PTPRD: variants seen among roughly 807,000 people sequenced by gnomAD.
PTPRD encodes protein tyrosine phosphatase receptor type D, also known as receptor-type tyrosine-protein phosphatase delta.
In PTPRD, 34 loss-of-function variants were observed where a neutral mutation model predicts 214.5. That is an observed-to-expected ratio of 0.16 (90% CI 0.12 to 0.21). The LOEUF (loss-of-function observed/expected upper bound fraction) is 0.21. Ranked by LOEUF, PTPRD falls within the 10% of genes least tolerant of loss-of-function variation. The probability of loss-of-function intolerance (pLI) is 1.00; values close to 1 mark genes in which losing one functional copy is unlikely to be tolerated. For synonymous variants in PTPRD, 1,128 were observed against 845.7 expected (o/e 1.33, Z -5.79); for missense variants, 2,545 against 2,398.7 (o/e 1.06, Z -1.27).
At chr9:10,171,248 A>T (rs571307061) in intron 3 of PTPRD, among the ~76,000 whole-genome samples, 2 of 152,204 alleles carry the variant, frequency 1.3e-5, no homozygotes, top group South Asian at 2.1e-4. Context: ...CCTGAGTTGT[A>T]GCTCTCATAA....
chr9:9,898,787 C>A (rs1407791821), intron 5 of PTPRD, among the ~76,000 whole-genome samples: 1 of 152,038 alleles, frequency 6.6e-6, no homozygotes, highest in Admixed American at 6.6e-5. Flanking sequence ...GGTCCTCTGA[C>A]CTCCTTTATT....
intron 17 of PTPRD, among the ~76,000 whole-genome samples, chr9:8,525,889 A>C (rs1016791831): frequency 1.3e-5 from 2 of 152,152 alleles, no homozygotes; most frequent in African/African-American, 4.8e-5. Context: ...AAAACCAGCA[A>C]TACCACATAC....
At chr9:9,128,041 A>G (rs1237017522) in intron 10 of PTPRD, among the ~76,000 whole-genome samples, 1 of 152,126 alleles carries the variant, frequency 6.6e-6, no homozygotes, top group African/African-American at 2.4e-5. Context: ...TCATAAACTT[A>G]CCAATACTGT....
chr9:8,990,080 G>C (rs893908811), intron 11 of PTPRD, among the ~76,000 whole-genome samples: 2 of 152,130 alleles, frequency 1.3e-5, no homozygotes, highest in Non-Finnish European at 2.9e-5. Flanking sequence ...CCCATTATTT[G>C]TGAAGAAGGT....
intron 2 of PTPRD, among the ~76,000 whole-genome samples, chr9:10,427,620 C>A (rs955454801): frequency 6.6e-6 from 1 of 152,046 alleles, no homozygotes; most frequent in African/African-American, 2.4e-5. Flanking sequence ...AAAACACTCA[C>A]TAAAAAGGGG....
chr9:10,076,730 A>G (rs529260923), intron 3 of PTPRD, among the ~76,000 whole-genome samples: 2 of 152,286 alleles, frequency 1.3e-5, no homozygotes, highest in Admixed American at 6.5e-5. Context: ...CAGTGCCAAG[A>G]TGGCAGTAAG....
chr9:9,682,607 G>A (rs1305912853), intron 7 of PTPRD, among the ~76,000 whole-genome samples: 1 of 151,750 alleles, frequency 6.6e-6, no homozygotes, highest in African/African-American at 2.4e-5. Context: ...CAGCTTGGGA[G>A]CTAAGCCTTG....
chr9:9,219,267 G>A (rs2099954288), intron 9 of PTPRD, among the ~76,000 whole-genome samples: 2 of 152,052 alleles, frequency 1.3e-5, no homozygotes, highest in Non-Finnish European at 2.9e-5. Flanking sequence ...GTCTCTAGAT[G>A]TACAGCTTGA....
intron 35 of PTPRD, among the ~76,000 whole-genome samples, chr9:8,407,863 G>T (rs1052300647): frequency 4.6e-5 from 7 of 152,128 alleles, no homozygotes; most frequent in African/African-American, 7.2e-5. Context: ...CACAACACGG[G>T]TCATTATTTT....
intron 14 of PTPRD, among the ~76,000 whole-genome samples, chr9:8,555,392 G>C (rs1045342823): frequency 6.6e-6 from 1 of 152,178 alleles, no homozygotes; most frequent in Admixed American, 6.5e-5. Context: ...GGGCAACAGA[G>C]AAAAAACCAA....
At chr9:10,482,188 A>C (rs2224583) in intron 2 of PTPRD, among the ~76,000 whole-genome samples, 4 of 151,546 alleles carry the variant, frequency 2.6e-5, no homozygotes, top group Non-Finnish European at 5.9e-5. Flanking sequence ...CGGCTAACAC[A>C]GTGAAACCCC....
chr9:9,285,441 T>A (rs1484368271), intron 9 of PTPRD, among the ~76,000 whole-genome samples: 3 of 151,774 alleles, frequency 2.0e-5, no homozygotes, highest in Middle Eastern at 3.2e-3. Context: ...TATTTCTTCT[T>A]TTCTTCATTG....
At chr9:8,508,866 T>C (rs2097596518) in intron 21 of PTPRD, among the ~76,000 whole-genome samples, 1 of 131,344 alleles carries the variant, frequency 7.6e-6, no homozygotes, top group Admixed American at 7.7e-5. Flanking sequence ...AGTCAGCCTG[T>C]GTATATATAT....
chr9:8,528,385 A>G, intron 15 of PTPRD: 1 of 630,182 alleles, frequency 1.6e-6, no homozygotes. Context: ...GAAGCTGCAA[A>G]ACACACAGAG....
At chr9:8,563,300 T>C (rs13300787) in intron 14 of PTPRD, among the ~76,000 whole-genome samples, 29,533 of 152,118 alleles carry the variant, frequency 0.19, 3,163 homozygotes, top group South Asian at 0.32. Flanking sequence ...TCTATGCATA[T>C]GTCAAAACTA....
intron 35 of PTPRD, among the ~76,000 whole-genome samples, chr9:8,418,733 T>C (rs2094137135): frequency 6.6e-6 from 1 of 152,070 alleles, no homozygotes; most frequent in South Asian, 2.1e-4. Context: ...GTTCTATCAA[T>C]GCTGATAGCT....
At chr9:8,332,808 G>A (rs1045443863) in intron 43 of PTPRD, among the ~76,000 whole-genome samples, 1 of 152,068 alleles carries the variant, frequency 6.6e-6, no homozygotes, top group Non-Finnish European at 1.5e-5. Context: ...TAGAGAGACC[G>A]ATCTCATTTC....
chr9:8,813,258 G>A (rs2096851147), intron 11 of PTPRD, among the ~76,000 whole-genome samples: 1 of 151,726 alleles, frequency 6.6e-6, no homozygotes, highest in Non-Finnish European at 1.5e-5. Context: ...AAGCATTGAG[G>A]AAGGGCGGGG....
intron 35 of PTPRD, among the ~76,000 whole-genome samples, chr9:8,422,349 A>G (rs527270065): frequency 1.3e-5 from 2 of 152,256 alleles, no homozygotes; most frequent in African/African-American, 2.4e-5. Flanking sequence ...ACATAGAAAA[A>G]CAAACATCCT....
Sources: gnomAD v4.1 joint callset for allele counts (sites outside exome capture counted in the v4.1 genomes callset) on GRCh38, gnomAD v4.1.1 for gene constraint, MANE v1.5 for transcripts, NCBI Gene and HGNC (gene_info 2026-07-23, HGNC 2026-07-21) for gene names.